The following CLEC16A variants were observed in gnomAD, a reference collection of about 807,000 sequenced individuals.
CLEC16A encodes protein CLEC16A.
CLEC16A carries 51 observed loss-of-function variants against 109.5 expected under a neutral mutation model. That is an observed-to-expected ratio of 0.47 (90% CI 0.37 to 0.59). The LOEUF is 0.59. Among genes scored for constraint, CLEC16A ranks in the 20% least tolerant of loss-of-function variants. The probability of loss-of-function intolerance (pLI) is 0.00; values close to 1 mark genes in which losing one functional copy is unlikely to be tolerated. For synonymous variants in CLEC16A, 673 were observed against 564.2 expected (o/e 1.19, Z -2.73); for missense variants, 1,339 against 1,394.0 (o/e 0.96, Z 0.63).
intron 22 of CLEC16A, among the ~76,000 whole-genome samples, chr16:11,131,230 C>A (rs531783895): frequency 1.3e-5 from 2 of 152,308 alleles, no homozygotes; most frequent in East Asian, 1.9e-4. Flanking sequence ...TGCCATGTTG[C>A]TGTGGTTAGT....
chr16:11,083,403 A>G (rs1353092960), intron 19 of CLEC16A, among the ~76,000 whole-genome samples: 3 of 152,150 alleles, frequency 2.0e-5, no homozygotes, highest in Non-Finnish European at 2.9e-5. Context: ...GGCTCAAGCT[A>G]TCCTTCCACC....
rs71136616 is a variant in CLEC16A, at chr16:11,090,811, A to ATT, written c.2117-29778_2117-29777dup. ...AGGCATGCGCTACCATACCCAGCTA[A>ATT]TTTTTTTTTTTTTTTTTTTTTTTTT... On this transcript the variant is annotated intron_variant, in intron 19 of 23. Coordinates refer to ENST00000409790, the MANE Select transcript of CLEC16A (RefSeq NM_015226.3). Among the ~76,000 whole-genome samples the ATT allele has an allele frequency of 2.4e-3, 196 of 80,706 alleles. 3 individuals are homozygous for ATT. Among genetic ancestry groups the ATT allele is most frequent in the South Asian group, 0.014 (29 of 2,118 alleles). The allele number at this position is 80,706 out of a possible 152,430, so 52.9% of individuals were successfully genotyped here.
At chr16:10,970,514 G>C (rs896237699) in intron 4 of CLEC16A, among the ~76,000 whole-genome samples, 6 of 152,194 alleles carry the variant, frequency 3.9e-5, no homozygotes, top group African/African-American at 1.4e-4. Flanking sequence ...GGTTAGAAGT[G>C]GTAGAATGGG....
intron 22 of CLEC16A, chr16:11,157,050 T>C (rs1174446209): frequency 3.1e-6 from 4 of 1,301,264 alleles, no homozygotes; most frequent in Non-Finnish European, 4.0e-6. Flanking sequence ...AGCAAGATAC[T>C]GAAAGACCAT....
At chr16:11,146,235 T>C (rs1255549256) in intron 22 of CLEC16A, among the ~76,000 whole-genome samples, 1 of 152,118 alleles carries the variant, frequency 6.6e-6, no homozygotes, top group African/African-American at 2.4e-5. Context: ...TTCAGAGCAC[T>C]CAACCTCTCC....
intron 22 of CLEC16A, among the ~76,000 whole-genome samples, chr16:11,146,760 G>A (rs2054075801): frequency 6.6e-6 from 1 of 150,392 alleles, no homozygotes; most frequent in Non-Finnish European, 1.5e-5. Context: ...ATGGCCGGAT[G>A]GGAGGGAGGG....
chr16:10,970,988 T>C, intron 4 of CLEC16A, 137 bp from the exon 5 acceptor site: 1 of 625,158 alleles, frequency 1.6e-6, no homozygotes, highest in Non-Finnish European at 2.8e-6. Flanking sequence ...AACCACTGAC[T>C]TACGGTTCAC....
At chr16:11,021,793 G>T (rs572374119) in intron 12 of CLEC16A, among the ~76,000 whole-genome samples, 2 of 152,036 alleles carry the variant, frequency 1.3e-5, no homozygotes, top group Non-Finnish European at 2.9e-5. Context: ...TGAGACTCTC[G>T]CTCAGAATAT....
chr16:10,944,974 C>G (rs959496454), intron 1 of CLEC16A, among the ~76,000 whole-genome samples, 177 bp downstream of exon 1: 15 of 152,334 alleles, frequency 9.8e-5, no homozygotes, highest in Non-Finnish European at 4.4e-5. Flanking sequence ...AACCCTGACC[C>G]CGTCGCTCTT....
rs551902895 is a variant in CLEC16A, at chr16:11,012,594, C to CAAAAAAAAA, written c.1304-7580_1304-7572dup. Among the ~76,000 whole-genome samples the CAAAAAAAAA allele has an allele frequency of 3.0e-3, 206 of 67,924 alleles. 5 individuals are homozygous for CAAAAAAAAA. Among genetic ancestry groups the CAAAAAAAAA allele is most frequent in the African/African-American group, 8.9e-3 (199 of 22,300 alleles). The allele number at this position is 67,924 out of a possible 152,430, so 44.6% of individuals were successfully genotyped here. On this transcript the variant is annotated intron_variant, in intron 11 of 23. Transcript: ENST00000409790. ...TGGGCGATAGAGTGAGACTCCGTCT[C>CAAAAAAAAA]AAAAAAAAAAAAAAAAAAAAAAAAA...
intron 10 of CLEC16A, among the ~76,000 whole-genome samples, chr16:10,993,833 A>G (rs947778155): frequency 6.6e-6 from 1 of 152,246 alleles, no homozygotes; most frequent in South Asian, 2.1e-4. Flanking sequence ...TCCCACAAGC[A>G]TTCCCTCTTG....
chr16:11,145,504 C>T (rs141176466), intron 22 of CLEC16A, among the ~76,000 whole-genome samples: 97 of 152,400 alleles, frequency 6.4e-4, no homozygotes, highest in Middle Eastern at 3.4e-3. Flanking sequence ...ACCACCACAC[C>T]TGTCTCCTGG....
intron 9 of CLEC16A, among the ~76,000 whole-genome samples, chr16:10,980,231 C>T (rs1057164511): frequency 2.6e-5 from 4 of 152,180 alleles, no homozygotes; most frequent in Non-Finnish European, 5.9e-5. Context: ...ACCTCCTCCC[C>T]GGCAGGTAGG....
intron 17 of CLEC16A, 54 bp from the exon 18 acceptor site, chr16:11,051,443 ACCTCCCCCGGCCCCTT>A: frequency 6.5e-7 from 1 of 1,530,364 alleles, no homozygotes; most frequent in Non-Finnish European, 9.0e-7. Context: ...GGCCTGTGCA[ACCTCCCCCGGCCCCTT>A]CCTCCTTCCA....
At chr16:11,068,620 C>G (rs920630713) in intron 19 of CLEC16A, among the ~76,000 whole-genome samples, 1 of 152,188 alleles carries the variant, frequency 6.6e-6, no homozygotes, top group Non-Finnish European at 1.5e-5. Context: ...CAGTTGATGG[C>G]AGTTCCATGC....
intron 10 of CLEC16A, among the ~76,000 whole-genome samples, chr16:10,986,731 A>ATGTGTGTGTGTGTGTGTGTGTG (rs59931468): frequency 5.3e-5 from 8 of 150,122 alleles, no homozygotes; most frequent in African/African-American, 2.0e-4. Flanking sequence ...TTAAGGCTCA[A>ATGTGTGTGTGTGTGTGTGTGTG]TGTGTGTGTG....
At chr16:11,045,680 G>A (rs538941987) in intron 16 of CLEC16A, among the ~76,000 whole-genome samples, 20 of 152,196 alleles carry the variant, frequency 1.3e-4, no homozygotes, top group African/African-American at 4.6e-4. Context: ...GCTGGCCTCC[G>A]GATCAGGTCT....
chr16:11,062,353 T>A (rs1248208563), intron 19 of CLEC16A, among the ~76,000 whole-genome samples: 1 of 152,204 alleles, frequency 6.6e-6, no homozygotes, highest in African/African-American at 2.4e-5. Context: ...AGTGTATAAT[T>A]CAATGAGTTT....
At chr16:11,127,583 C>T (rs1425815816) in intron 22 of CLEC16A, among the ~76,000 whole-genome samples, 2 of 152,222 alleles carry the variant, frequency 1.3e-5, no homozygotes, top group African/African-American at 4.8e-5. Context: ...AATCCAGTCT[C>T]AGGGCTGGGC....
Sources: allele counts gnomAD v4.1 joint callset (sites outside exome capture counted in the v4.1 genomes callset), GRCh38; gene constraint gnomAD v4.1.1; transcripts MANE v1.5; gene names NCBI Gene and HGNC (gene_info 2026-07-23, HGNC 2026-07-21).